Variants in PSMD1 observed in about 807,000 individuals in gnomAD.
PSMD1 encodes the protein 26S proteasome non-ATPase regulatory subunit 1.
A neutral mutation model predicts 119.0 loss-of-function variants in PSMD1; 18 were observed. The ratio of observed to expected loss-of-function variants is 0.15; its 90% CI spans 0.10 to 0.22. PSMD1 has a LOEUF of 0.22. Among genes scored for constraint, PSMD1 ranks in the 10% least tolerant of loss-of-function variants. The probability of loss-of-function intolerance (pLI) is 1.00; values close to 1 mark genes in which losing one functional copy is unlikely to be tolerated. For synonymous variants in PSMD1, 374 were observed against 396.6 expected (o/e 0.94, Z 0.68); for missense variants, 702 against 1,158.5 (o/e 0.61, Z 5.72).
chr2:231,084,637 C>A (rs1446244449), intron 14 of PSMD1, among the ~76,000 whole-genome samples: 3 of 152,070 alleles, frequency 2.0e-5, no homozygotes, highest in South Asian at 2.1e-4. Flanking sequence ...CATCTTTCTT[C>A]CACTCAGCAC....
Position 231,079,413 on chromosome 2 carries a change from G to T in PSMD1, c.1161-123G>T, listed in dbSNP as rs1574712658. On this transcript the variant is annotated intron_variant, in intron 10 of 24. Coordinates refer to ENST00000308696, the MANE Select transcript of PSMD1 (RefSeq NM_002807.4). The stretch of plus-strand genomic sequence containing the variant: ...TAAAATAGAATCAGTAGTAACTTGA[G>T]ATCCACAAAGTAATTTGGAAGGGTT... 2.9e-5 allele frequency: 15 copies of T among 518,240 alleles called. No homozygotes were observed. The East Asian group carries it at 4.0e-4, about 14-fold the overall frequency. The allele number at this position is 518,240 out of a possible 1,614,324, so 32.1% of individuals were successfully genotyped here. A position where few individuals can be genotyped will look rare whatever the true frequency, so the allele number is the denominator to read the frequency against.
At chr2:231,071,592 T>C (rs1694042119) in intron 6 of PSMD1, among the ~76,000 whole-genome samples, 1 of 152,180 alleles carries the variant, frequency 6.6e-6, no homozygotes, top group Non-Finnish European at 1.5e-5. Context: ...TTTCGTGTTC[T>C]TAATTTATAA....
chr2:231,137,596 T>C (rs953008009), intron 16 of PSMD1, among the ~76,000 whole-genome samples: 2 of 152,128 alleles, frequency 1.3e-5, no homozygotes, highest in African/African-American at 4.8e-5. Context: ...AGGTTTGTTA[T>C]GTGTGTATAT....
At chr2:231,079,669 GGT>G in intron 11 of PSMD1, 55 bp downstream of exon 11, 1 of 1,149,380 alleles carries the variant, frequency 8.7e-7, no homozygotes, top group South Asian at 1.7e-5. Flanking sequence ...ATTTTTCTGG[GGT>G]TAAGAAAAAA....
Position 231,146,244 on chromosome 2 carries a change from C to T in PSMD1, c.2003C>T (p.Ala668Val). The change falls in exon 18 of 25, where the codon GCC becomes GTC. Residue 668 changes from alanine (A) to valine (V), a missense_variant. Around this residue, in one of 9 missense-constraint regions of PSMD1, gnomAD observed 272 missense variants for 511.6 expected, o/e 0.53. Coordinates refer to ENST00000308696, the MANE Select transcript of PSMD1 (RefSeq NM_002807.4). The stretch of plus-strand genomic sequence containing the variant: ...TGTTTTTTTAAATTCTTTCAGGAAG[C>T]CATTAATTTGCTAGAACCAATGACA... ...ICCAGTGNKE[A>V]INLLEPMTND... is the part of the protein sequence containing the mutation. 6.2e-7 allele frequency: 1 copy of T among 1,606,776 alleles called. No homozygotes were observed. The highest frequency in any genetic ancestry group is 8.5e-7 in the Non-Finnish European group (1 of 1,173,876).
intron 16 of PSMD1, chr2:231,113,617 G>T: frequency 2.2e-6 from 2 of 890,960 alleles, no homozygotes. Context: ...GTATCAGTAG[G>T]CTGGCTTGAC....
At chr2:231,141,455 C>T (rs975267297) in intron 17 of PSMD1, among the ~76,000 whole-genome samples, 1 of 141,760 alleles carries the variant, frequency 7.1e-6, no homozygotes, top group Non-Finnish European at 1.5e-5. Flanking sequence ...CAGTGTCTCA[C>T]TCTTGTCACT....
At position 231,146,306 on chromosome 2, in the gene PSMD1, A is replaced by G. The variant is rs1559249331; in HGVS notation, c.2065A>G (p.Ile689Val). The G allele has an allele frequency of 6.2e-7, 1 of 1,614,000 alleles. No homozygotes were observed. The highest frequency in any genetic ancestry group is 8.5e-7 in the Non-Finnish European group (1 of 1,179,906). ...PVNYVRQGAL[I>V]ASALIMIQQT... The stretch of plus-strand genomic sequence containing the variant: ...GAACTACGTGAGGCAAGGGGCACTC[A>G]TAGCTTCAGCTCTCATCATGATCCA... The change falls in exon 18 of 25, where the codon ATA becomes GTA. Residue 689 changes from isoleucine (I) to valine (V), a missense_variant. By Grantham distance (29) the Ile-to-Val change is conservative (BLOSUM62 3). Coordinates refer to ENST00000308696, the MANE Select transcript of PSMD1 (RefSeq NM_002807.4).
intron 16 of PSMD1, chr2:231,125,224 G>A (rs1376155814): frequency 6.6e-6 from 1 of 152,200 alleles, no homozygotes; most frequent in Non-Finnish European, 1.5e-5. Context: ...TGTTGAACCA[G>A]TTCATGGCCC....
At chr2:231,129,975 T>C (rs918025372) in intron 16 of PSMD1, among the ~76,000 whole-genome samples, 1 of 152,132 alleles carries the variant, frequency 6.6e-6, no homozygotes, top group African/African-American at 2.4e-5. Context: ...TGCCTCAGCC[T>C]CCCAAGCAGC....
At chr2:231,142,916 T>TG (rs1696160007) in intron 17 of PSMD1, among the ~76,000 whole-genome samples, 1 of 152,144 alleles carries the variant, frequency 6.6e-6, no homozygotes, top group African/African-American at 2.4e-5. Flanking sequence ...TATATATATG[T>TG]TAAGTTTACA....
At chr2:231,100,488 G>A (rs1263027383) in intron 16 of PSMD1, among the ~76,000 whole-genome samples, 2 of 152,144 alleles carry the variant, frequency 1.3e-5, no homozygotes, top group Non-Finnish European at 2.9e-5. Flanking sequence ...ATGAGTTAGG[G>A]TGGACCAGGT....
At chr2:231,114,139 G>T (rs973806243) in intron 16 of PSMD1, among the ~76,000 whole-genome samples, 1 of 152,134 alleles carries the variant, frequency 6.6e-6, no homozygotes, top group Admixed American at 6.5e-5. Flanking sequence ...TTTCTATTTT[G>T]CATAATAATT....
intron 8 of PSMD1, 51 bp downstream of exon 8, chr2:231,075,622 C>T (rs1297083217): frequency 1.9e-6 from 3 of 1,539,136 alleles, no homozygotes; most frequent in Non-Finnish European, 2.7e-6. Flanking sequence ...ATCTGTCACC[C>T]AGGCTAGAAC....
intron 14 of PSMD1, 130 bp from the exon 15 acceptor site, chr2:231,084,889 A>G (rs1478026676): frequency 1.5e-6 from 1 of 679,628 alleles, no homozygotes; most frequent in Non-Finnish European, 2.5e-6. Context: ...TACCAACCAC[A>G]AAAGAGTTAT....
intron 1 of PSMD1, among the ~76,000 whole-genome samples, chr2:231,058,613 C>T (rs1693671636): frequency 6.6e-6 from 1 of 151,786 alleles, no homozygotes; most frequent in Admixed American, 6.6e-5. Context: ...CCCAGGGGAG[C>T]CAAAAGGTTG....
chr2:231,077,009 A>ATT (rs759314082), intron 8 of PSMD1, 25 bp from the exon 9 acceptor site: 18 of 1,404,570 alleles, frequency 1.3e-5, no homozygotes, highest in Admixed American at 1.1e-4. Flanking sequence ...ATGAGTTTTC[A>ATT]TTTTTTTTTT....
chr2:231,165,262 A>G lies in PSMD1; in HGVS notation c.2544A>G (p.Lys848=). ...AAAAGAAGGAAAAAGAAAAGGAAAA[A>G]AAGGAGGAGGAGAAAATGGAAGTGG... ...KAKKKEKEKE[K]KEEEKMEVDE... Residue 848 remains lysine (K), a synonymous_variant, in exon 22 of 25, where the codon AAA becomes AAG. Coordinates refer to ENST00000308696, the MANE Select transcript of PSMD1 (RefSeq NM_002807.4). 6.2e-7 allele frequency: 1 copy of G among 1,603,170 alleles called. No homozygotes were observed. Among genetic ancestry groups the G allele is most frequent in the Non-Finnish European group, 8.5e-7 (1 of 1,172,994 alleles).
rs142982380 is a variant in PSMD1, at chr2:231,098,026, G to T, written c.1883+10845G>T. On this transcript the variant is annotated intron_variant, in intron 16 of 24. Coordinates refer to ENST00000308696, the MANE Select transcript of PSMD1 (RefSeq NM_002807.4). ...AGGAATGCTAAGTTTCCTCCCTGTCGTGAGAGACATGAATTGAACTTAGTG... is the reference window on the plus strand; with the variant it reads ...AGGAATGCTAAGTTTCCTCCCTGTCTTGAGAGACATGAATTGAACTTAGTG... Among the ~76,000 whole-genome samples the T allele has an allele frequency of 7.3e-3, 1,115 of 152,306 alleles. 22 individuals are homozygous for T. Among genetic ancestry groups the T allele is most frequent in the African/African-American group, 0.026 (1,071 of 41,558 alleles).
Sources: allele counts gnomAD v4.1 joint callset (sites outside exome capture counted in the v4.1 genomes callset), GRCh38; gene constraint gnomAD v4.1.1; regional missense constraint gnomAD v4.1.1; transcripts MANE v1.5; gene names NCBI Gene and HGNC (gene_info 2026-07-23, HGNC 2026-07-21).